Variants in NBPF26 observed in about 807,000 individuals in gnomAD.
NBPF26 encodes the protein NBPF member 26, also known as NBPF family member NBPF26.
NBPF26 carries 79 observed loss-of-function variants against 119.6 expected under a neutral mutation model. That is an observed-to-expected ratio of 0.66 (90% CI 0.55 to 0.80). NBPF26 has a LOEUF of 0.80. Among genes scored for constraint, NBPF26 ranks in the 30% least tolerant of loss-of-function variants. NBPF26 has a pLI of 0.00. For synonymous variants in NBPF26, 299 were observed against 457.7 expected, an observed-to-expected ratio of 0.65 and a Z score of 4.43; for missense variants, 800 against 1,198.2, an observed-to-expected ratio of 0.67 and a Z score of 4.91.
intron 1 of NBPF26, among the ~76,000 whole-genome samples, chr1:120,753,846 A>AT (rs1264718680): frequency 4.4e-5 from 2 of 45,254 alleles, no homozygotes; most frequent in Non-Finnish European, 7.0e-5. Context: ...ATATTTATAA[A>AT]TTTTTTTCCA....
rs1651704857 is a variant in NBPF26, at chr1:120,806,928, T to A, written c.962-679T>A. On this transcript the variant is annotated intron_variant, in intron 5 of 29. Coordinates refer to ENST00000620612, the Ensembl canonical transcript of NBPF26. ...TCCTTGAACATTAATTGGCACAGTG[T>A]AAACACTATCTATTCTTCATTCTGA... 1.6e-5 allele frequency among the ~76,000 whole-genome samples: 2 copies of A among 125,606 alleles called. 1 individual carries two copies. Among genetic ancestry groups the A allele is most frequent in the Non-Finnish European group, 3.2e-5 (2 of 61,816 alleles). 82.4% of individuals were successfully genotyped at this position (125,606 alleles called of 152,430 possible). A position where few individuals can be genotyped will look rare whatever the true frequency, so the allele number is the denominator to read the frequency against.
At position 120,838,459 on chromosome 1, in the gene NBPF26, A is replaced by T. The variant is rs1223645619; in HGVS notation, c.3822-286A>T. 3.2e-3 allele frequency among the ~76,000 whole-genome samples: 120 copies of T among 37,840 alleles called. 1 individual carries two copies. Among genetic ancestry groups the T allele is most frequent in the Non-Finnish European group, 4.3e-3 (94 of 21,940 alleles). 24.8% of individuals were successfully genotyped at this position (37,840 alleles called of 152,430 possible). A position where few individuals can be genotyped will look rare whatever the true frequency, so the allele number is the denominator to read the frequency against. The stretch of plus-strand genomic sequence containing the variant: ...CAGAGTGTCCTGTTACTCCCTCATC[A>T]GTGTGTCACCTGGACAATTCACTGA... On this transcript the variant is annotated intron_variant, in intron 27 of 29. Transcript: ENST00000620612.
rs1199148405 is a variant in NBPF26, at chr1:120,805,966, A to G, written c.961+201A>G. 1.6e-4 allele frequency among the ~76,000 whole-genome samples: 18 copies of G among 110,798 alleles called. 3 individuals are homozygous for G. The highest frequency in any genetic ancestry group is 3.9e-3 in the Middle Eastern group (1 of 254). The allele number at this position is 110,798 out of a possible 152,430, so 72.7% of individuals were successfully genotyped here. ...AGCAACTTTCCATGTTTGCAATCAG[A>G]TGGGGGTGGAACTAGAGTTAAACTC... On this transcript the variant is annotated intron_variant, in intron 5 of 29. Transcript: ENST00000620612.
chr1:120,809,976 G>A (rs1651817928), intron 8 of NBPF26, 93 bp downstream of exon 8: 8 of 1,463,934 alleles, frequency 5.5e-6, no homozygotes, highest in East Asian at 4.5e-5. Context: ...TGGGCCAAAA[G>A]CCCACATCCC....
chr1:120,813,634 C>T (rs2101515495), intron 10 of NBPF26, among the ~76,000 whole-genome samples: 1 of 128,572 alleles, frequency 7.8e-6, no homozygotes, highest in Admixed American at 7.5e-5. Flanking sequence ...AATTCTGACT[C>T]CACTTCGTTG....
rs1650834176 is a variant in NBPF26, at chr1:120,727,989, C to T, written c.73+3739C>T. ...TAGGAGAGCCACTGTTTCGGTCCTC[C>T]ATTTTCTGATGTTCATTGTTCATGG... On this transcript the variant is annotated intron_variant, in intron 1 of 29. Coordinates refer to ENST00000620612, the Ensembl canonical transcript of NBPF26. Among the ~76,000 whole-genome samples the T allele has an allele frequency of 2.5e-5, 3 of 119,548 alleles. 1 individual carries two copies. Among genetic ancestry groups the T allele is most frequent in the Admixed American group, 2.4e-4 (3 of 12,628 alleles). 78.4% of individuals were successfully genotyped at this position (119,548 alleles called of 152,430 possible).
chr1:120,792,801 A>G (rs1179640407), intron 3 of NBPF26, among the ~76,000 whole-genome samples: 47 of 99,078 alleles, frequency 4.7e-4, no homozygotes, highest in Non-Finnish European at 5.7e-4. Flanking sequence ...CTCCTGGCCC[A>G]GAAGTTGATA....
chr1:120,823,752 C>CTGTGTGTGTGTGTGTGTGTGTG (rs1177031452), intron 17 of NBPF26, among the ~76,000 whole-genome samples: 5 of 73,340 alleles, frequency 6.8e-5, no homozygotes, highest in Admixed American at 1.3e-4. Flanking sequence ...TGAGCTCGCT[C>CTGTGTGTGTGTGTGTGTGTGTG]TGTGTGTGTG....
At chr1:120,763,516 A>T in intron 1 of NBPF26, 112 bp from the exon 2 acceptor site, 2 of 489,760 alleles carry the variant, frequency 4.1e-6, no homozygotes, top group South Asian at 3.9e-5. Context: ...CTCTAAAAAG[A>T]AACCCAGATT....
Position 120,784,721 on chromosome 1 carries a change from C to T in NBPF26, c.156-253C>T, listed in dbSNP as rs1407648552. Among the ~76,000 whole-genome samples, 31 of 117,830 alleles carry T rather than the reference C, an allele frequency of 2.6e-4. 11 individuals are homozygous for T. The highest frequency in any genetic ancestry group is 1.3e-3 in the African/African-American group (27 of 20,262). The allele number at this position is 117,830 out of a possible 152,430, so 77.3% of individuals were successfully genotyped here. A position where few individuals can be genotyped will look rare whatever the true frequency, so the allele number is the denominator to read the frequency against. On this transcript the variant is annotated intron_variant, in intron 2 of 29. Transcript: ENST00000620612. ...ATCTTTTACTTAGTAATTTTGTTTT[C>T]GTCTTCAGCTATTAGAATGTAAACT...
chr1:120,816,695 A>T, exon 14 of NBPF26: 2 of 1,215,404 alleles, frequency 1.6e-6, no homozygotes, highest in Non-Finnish European at 2.2e-6. Context: ...TTGTTCAAAT[A>T]GCCATGGCCC....
Position 120,802,503 on chromosome 1 carries a change from T to G in NBPF26, c.752-3053T>G, listed in dbSNP as rs1651594111. On this transcript the variant is annotated intron_variant, in intron 4 of 29. Transcript: ENST00000620612. ...TGAGTACAACAGAGACATGAGCCCT[T>G]CGGGACACATGCCTGAGGTAGTGAC... is the stretch of plus-strand genomic sequence containing the variant. Among the ~76,000 whole-genome samples the G allele has an allele frequency of 1.6e-5, 2 of 125,150 alleles. 1 individual carries two copies. The highest frequency in any genetic ancestry group is 3.2e-5 in the Non-Finnish European group (2 of 61,692). The allele number at this position is 125,150 out of a possible 152,430, so 82.1% of individuals were successfully genotyped here.
chr1:120,811,344 A>G lies in NBPF26; in HGVS notation c.1565-542A>G, dbSNP rs1219411423. Among the ~76,000 whole-genome samples, 18 of 110,902 alleles carry G rather than the reference A, an allele frequency of 1.6e-4. 2 individuals carry two copies. The East Asian group carries it at 3.0e-3, about 18-fold the overall frequency. The allele number at this position is 110,902 out of a possible 152,430, so 72.8% of individuals were successfully genotyped here. A position where few individuals can be genotyped will look rare whatever the true frequency, so the allele number is the denominator to read the frequency against. ...GCGGAACACCTGAGCTCAGGAGTTC[A>G]AAACCAGCCTGTCCAAGATGGCGAA... On this transcript the variant is annotated intron_variant, in intron 9 of 29. Coordinates refer to ENST00000620612, the Ensembl canonical transcript of NBPF26.
Position 120,805,589 on chromosome 1 carries a change from G to C in NBPF26, c.785G>C (p.Ser262Thr). Residue 262 changes from serine (S) to threonine (T), a missense_variant, in exon 5 of 30, where the codon AGC becomes ACC. Transcript: ENST00000620612. The stretch of plus-strand genomic sequence containing the variant: ...TCCACCTCTTCTGCCACAAACGTCA[G>C]CATGGTGGTATCAGCCGGCCATTGG... 2.1e-6 allele frequency: 3 copies of C among 1,457,764 alleles called. No homozygotes were observed. In the South Asian group the frequency reaches 3.6e-5, roughly 17 times the overall value. The allele number at this position is 1,457,764 out of a possible 1,614,324, so 90.3% of individuals were successfully genotyped here. A position where few individuals can be genotyped will look rare whatever the true frequency, so the allele number is the denominator to read the frequency against.
rs1553269685 is a variant in NBPF26 at position 120,805,564 on chromosome 1, T to C, written c.760T>C (p.Ser254Pro). 2.0e-3 allele frequency: 2,880 copies of C among 1,417,700 alleles called. 854 individuals carry two copies. The African/African-American group carries it at 0.055, about 27-fold the overall frequency. The allele number at this position is 1,417,700 out of a possible 1,614,324, so 87.8% of individuals were successfully genotyped here. A position where few individuals can be genotyped will look rare whatever the true frequency, so the allele number is the denominator to read the frequency against. Residue 254 changes from serine (S) to proline (P), a missense_variant, in exon 5 of 30, where the codon TCC (serine) becomes CCC (proline). Ser to Pro is a moderately conservative substitution (Grantham distance 74). Transcript: ENST00000620612. ...GGGTTTCTTCTCCCCAGTCCCTGAC[T>C]CCACCTCTTCTGCCACAAACGTCAG...
chr1:120,812,201 C>A (rs1651886668), intron 10 of NBPF26, 106 bp downstream of exon 10: 6 of 810,812 alleles, frequency 7.4e-6, no homozygotes, highest in Non-Finnish European at 9.6e-6. Flanking sequence ...CCTCCCCGTA[C>A]TTCTAGGAAA....
chr1:120,768,635 G>T (rs1651222202), intron 2 of NBPF26, among the ~76,000 whole-genome samples: 2 of 108,938 alleles, frequency 1.8e-5, no homozygotes, highest in South Asian at 5.4e-4. Context: ...CTGTAAATGT[G>T]GGTTTCATAT....
intron 6 of NBPF26, among the ~76,000 whole-genome samples, 182 bp downstream of exon 6, chr1:120,807,891 G>A: frequency 8.2e-6 from 1 of 121,422 alleles, no homozygotes; most frequent in Admixed American, 8.0e-5. Flanking sequence ...TGTATGGGTT[G>A]CAGTTGTTTC....
chr1:120,812,923 AT>A (rs1651905417), intron 10 of NBPF26, among the ~76,000 whole-genome samples: 2 of 11,208 alleles, frequency 1.8e-4, no homozygotes, highest in African/African-American at 8.3e-4. Context: ...ACTGCTAAAA[AT>A]AATAATAATA....
Sources: gnomAD v4.1 joint callset for allele counts (sites outside exome capture counted in the v4.1 genomes callset) on GRCh38, gnomAD v4.1.1 for gene constraint, MANE v1.5 for transcripts, NCBI Gene and HGNC (gene_info 2026-07-23, HGNC 2026-07-21) for gene names.